Variants in KIRREL3 observed in about 807,000 individuals in gnomAD.
KIRREL3 encodes the protein kirre like nephrin family adhesion molecule 3.
Under a neutral mutation model 89.7 loss-of-function variants are expected in KIRREL3, and 36 were observed. The observed-to-expected ratio is 0.40, with a 90% CI of 0.31 to 0.53. The LOEUF (loss-of-function observed/expected upper bound fraction) is 0.53, where lower values mean the gene tolerates loss of function less well. Ranked by LOEUF, KIRREL3 falls within the 20% of genes least tolerant of loss-of-function variation. The probability of loss-of-function intolerance (pLI) is 0.49; values close to 1 mark genes in which losing one functional copy is unlikely to be tolerated. For missense variants in KIRREL3, 864 were observed against 1,056.6 expected, an observed-to-expected ratio of 0.82 and a Z score of 2.53; for synonymous variants, 445 against 441.4, an observed-to-expected ratio of 1.01 and a Z score of -0.10.
intron 1 of KIRREL3, among the ~76,000 whole-genome samples, chr11:126,854,313 A>G (rs1944440245): frequency 6.6e-6 from 1 of 152,140 alleles, no homozygotes; most frequent in Admixed American, 6.5e-5. Flanking sequence ...CATTCATATT[A>G]TTATGCAGTA....
chr11:126,446,183 A>G (rs1044325714), intron 9 of KIRREL3, among the ~76,000 whole-genome samples: 4 of 151,662 alleles, frequency 2.6e-5, no homozygotes, highest in African/African-American at 9.7e-5. Flanking sequence ...GAACACAGGA[A>G]AGTGAAGCCC....
chr11:126,480,953 G>A (rs1198301076), intron 4 of KIRREL3, among the ~76,000 whole-genome samples: 1 of 152,206 alleles, frequency 6.6e-6, no homozygotes, highest in Non-Finnish European at 1.5e-5. Flanking sequence ...GCAGGATGTA[G>A]AGACAAGAGG....
intron 1 of KIRREL3, among the ~76,000 whole-genome samples, chr11:126,873,901 T>C (rs567794359): frequency 6.6e-6 from 1 of 152,346 alleles, no homozygotes; most frequent in African/African-American, 2.4e-5. Context: ...GGGCCACATA[T>C]TGGGGCACCC....
intron 4 of KIRREL3, among the ~76,000 whole-genome samples, chr11:126,504,053 GA>G (rs370393674): frequency 3.9e-5 from 6 of 152,146 alleles, no homozygotes; most frequent in Admixed American, 6.5e-5. Flanking sequence ...GGGACTTACT[GA>G]ATGACTCCTT....
chr11:126,450,681 A>C (rs184673462), intron 7 of KIRREL3, among the ~76,000 whole-genome samples: 2,135 of 134,732 alleles, frequency 0.016, 52 homozygotes, highest in African/African-American at 0.057. Context: ...GTCCATGTGC[A>C]TGGTGCGTGT....
chr11:126,541,887 AC>A lies in KIRREL3; in HGVS notation c.134-15201del, dbSNP rs1295485249. Reference sequence around the variant, plus strand: ...CACTGCACAGTGAAGGCATTTTCACACCTTTTGAAAGTTCATGCAACCCTTT... The same window carrying A: ...CACTGCACAGTGAAGGCATTTTCACACTTTTGAAAGTTCATGCAACCCTTT... On this transcript the variant is annotated intron_variant, in intron 2 of 16. Coordinates refer to ENST00000525144, the MANE Select transcript of KIRREL3 (RefSeq NM_032531.4). The surrounding 1 kb of genome is among the most constrained non-coding windows in gnomAD (Gnocchi z 4.8). 5.3e-5 allele frequency among the ~76,000 whole-genome samples: 8 copies of A among 152,182 alleles called. No individual in the cohort carries two copies. Among genetic ancestry groups the A allele is most frequent in the African/African-American group, 1.9e-4 (8 of 41,524 alleles).
At chr11:126,846,606 A>G (rs555275234) in intron 1 of KIRREL3, among the ~76,000 whole-genome samples, 1 of 152,284 alleles carries the variant, frequency 6.6e-6, no homozygotes, top group South Asian at 2.1e-4. Flanking sequence ...GTTTTCACCA[A>G]AAGTAAAAAT....
At chr11:126,534,934 C>T (rs79026504) in intron 2 of KIRREL3, among the ~76,000 whole-genome samples, 4,092 of 152,220 alleles carry the variant, frequency 0.027, 192 homozygotes, top group African/African-American at 0.091. Flanking sequence ...TGATGGGCCA[C>T]GTGGCGTCCC....
At chr11:126,803,226 T>C (rs1951096341) in intron 1 of KIRREL3, among the ~76,000 whole-genome samples, 1 of 152,130 alleles carries the variant, frequency 6.6e-6, no homozygotes, top group Non-Finnish European at 1.5e-5. Context: ...GAGACGTCCA[T>C]GCTGTTTAGA....
chr11:126,808,473 G>T lies in KIRREL3; in HGVS notation c.55+191982C>A, dbSNP rs1307238269. On this transcript the variant is annotated intron_variant, in intron 1 of 16. Transcript: ENST00000525144. The surrounding 1 kb of genome is among the most constrained non-coding windows in gnomAD (Gnocchi z 4.1). ...CCTTAAGATAAAGGCAGTTTTTCATGGGGTCTGTTTTTTTCCCAGTGACCT... is the reference window on the plus strand; with the variant it reads ...CCTTAAGATAAAGGCAGTTTTTCATTGGGTCTGTTTTTTTCCCAGTGACCT... Among the ~76,000 whole-genome samples the T allele has an allele frequency of 1.3e-5, 2 of 152,162 alleles. No individual in the cohort carries two copies. Among genetic ancestry groups the T allele is most frequent in the Non-Finnish European group, 2.9e-5 (2 of 68,024 alleles).
rs139413855 is a variant in KIRREL3 at position 126,734,531 on chromosome 11, C to T, written c.56-171619G>A. ...ATACAAAATCAGCTGGGCATGGCAGCGCGTGCCTGTAATCCCAGCTACTTG... is the reference window on the plus strand; with the variant it reads ...ATACAAAATCAGCTGGGCATGGCAGTGCGTGCCTGTAATCCCAGCTACTTG... On this transcript the variant is annotated intron_variant, in intron 1 of 16. Transcript: ENST00000525144. This position sits in a 1 kb window ranked among gnomAD's most constrained non-coding sequence, Gnocchi z 5.9. 7.9e-3 allele frequency among the ~76,000 whole-genome samples: 1,206 copies of T among 152,138 alleles called. 28 individuals carry two copies. Among genetic ancestry groups the T allele is most frequent in the African/African-American group, 0.028 (1,168 of 41,504 alleles).
intron 5 of KIRREL3, among the ~76,000 whole-genome samples, chr11:126,470,072 C>T (rs576842355): frequency 6.6e-6 from 1 of 152,358 alleles, no homozygotes; most frequent in South Asian, 2.1e-4. Context: ...TGGTACCAGG[C>T]TCTCCGAGGG....
chr11:126,609,470 T>A lies in KIRREL3; in HGVS notation c.56-46558A>T, dbSNP rs1335080900. On this transcript the variant is annotated intron_variant, in intron 1 of 16. Coordinates refer to ENST00000525144, the MANE Select transcript of KIRREL3 (RefSeq NM_032531.4). This position sits in a 1 kb window ranked among gnomAD's most constrained non-coding sequence, Gnocchi z 5.0. ...AGGACGGTCTCCTTTGCAGCCTACC[T>A]GAAGTGAATGTGAGGCCGAGAGGCT... Among the ~76,000 whole-genome samples the A allele has an allele frequency of 6.6e-6, 1 of 152,070 alleles. No homozygotes were observed. The highest frequency in any genetic ancestry group is 1.9e-4 in the East Asian group (1 of 5,192).
At chr11:126,760,866 T>A (rs546029460) in intron 1 of KIRREL3, among the ~76,000 whole-genome samples, 2 of 152,332 alleles carry the variant, frequency 1.3e-5, no homozygotes, top group East Asian at 3.9e-4. Flanking sequence ...ACAGCCGATG[T>A]GGAAAAACAC....
chr11:126,464,522 C>A (rs562400216), intron 5 of KIRREL3, among the ~76,000 whole-genome samples: 3 of 146,738 alleles, frequency 2.0e-5, no homozygotes, highest in Non-Finnish European at 4.5e-5. Context: ...CAGAGTGAGA[C>A]CCTGCCTCAG....
chr11:126,873,863 T>C (rs1028462535), intron 1 of KIRREL3, among the ~76,000 whole-genome samples: 3 of 152,182 alleles, frequency 2.0e-5, no homozygotes, highest in Non-Finnish European at 2.9e-5. Context: ...CACCAACGTA[T>C]GGAATTACAA....
intron 1 of KIRREL3, among the ~76,000 whole-genome samples, chr11:126,725,029 G>A (rs7929968): frequency 0.075 from 11,468 of 152,216 alleles, 667 homozygotes; most frequent in African/African-American, 0.16. Flanking sequence ...GAAAGTGGCC[G>A]AGTCAGGAAT....
At position 126,705,030 on chromosome 11, in the gene KIRREL3, A is replaced by T. The variant is rs1297379276; in HGVS notation, c.56-142118T>A. Among the ~76,000 whole-genome samples, 3 of 152,166 alleles carry T rather than the reference A, an allele frequency of 2.0e-5. No homozygotes were observed. Among genetic ancestry groups the T allele is most frequent in the Admixed American group, 6.5e-5 (1 of 15,270 alleles). Reference sequence around the variant, plus strand: ...AACTGTATTTGTGGGTGGTAAATTTATATCTTACCCACTGAATATAGCTTT... The same window carrying T: ...AACTGTATTTGTGGGTGGTAAATTTTTATCTTACCCACTGAATATAGCTTT... On this transcript the variant is annotated intron_variant, in intron 1 of 16. Coordinates refer to ENST00000525144, the MANE Select transcript of KIRREL3 (RefSeq NM_032531.4). This position sits in a 1 kb window ranked among gnomAD's most constrained non-coding sequence, Gnocchi z 4.3.
At chr11:126,716,731 TGTGA>T (rs1947976800) in intron 1 of KIRREL3, among the ~76,000 whole-genome samples, 3 of 65,630 alleles carry the variant, frequency 4.6e-5, no homozygotes, top group Admixed American at 4.9e-4. Flanking sequence ...TGAGTGTGAG[TGTGA>T]GTGTGTGTGT....
Sources: gnomAD v4.1 joint callset for allele counts (sites outside exome capture counted in the v4.1 genomes callset) on GRCh38, gnomAD v4.1.1 for gene constraint, Gnocchi (gnomAD v3.1) non-coding constraint, MANE v1.5 for transcripts, NCBI Gene and HGNC (gene_info 2026-07-23, HGNC 2026-07-21) for gene names.